EIF2A: variants seen among roughly 807,000 people sequenced by gnomAD.
The protein encoded by EIF2A is 65 kDa eukaryotic translation initiation factor 2A.
EIF2A carries 62 observed loss-of-function variants against 75.2 expected under a neutral mutation model. The observed-to-expected ratio is 0.82, with a 90% CI of 0.67 to 1.02. The LOEUF (loss-of-function observed/expected upper bound fraction) is 1.02, where lower values mean the gene tolerates loss of function less well. Among genes scored for constraint, EIF2A ranks in the 50% least tolerant of loss-of-function variants. The pLI, the probability that EIF2A is intolerant of heterozygous loss-of-function variation, is 0.00. For missense variants in EIF2A, 611 were observed against 677.7 expected (o/e 0.90, Z 1.09); for synonymous variants, 207 against 239.0 (o/e 0.87, Z 1.23).
intron 10 of EIF2A, 34 bp downstream of exon 10, chr3:150,572,563 G>GT: frequency 6.4e-7 from 1 of 1,556,470 alleles, no homozygotes. Flanking sequence ...ATAGAAAAAA[G>GT]TTTATTTTGG....
Position 150,584,842 on chromosome 3 carries a change from A to T in EIF2A, c.*931A>T, listed in dbSNP as rs1725377804. Among the ~76,000 whole-genome samples the T allele has an allele frequency of 6.6e-6, 1 of 151,952 alleles. No homozygotes were observed. Among genetic ancestry groups the T allele is most frequent in the Admixed American group, 6.6e-5 (1 of 15,256 alleles). The stretch of plus-strand genomic sequence containing the variant: ...TGTAGTAACAAAATCCTTTTTTAAA[A>T]ATTTTTAAAGAAAAAGTATACACAC... On this transcript the variant is annotated 3_prime_UTR_variant, in exon 14 of 14. Coordinates refer to ENST00000460851, the MANE Select transcript of EIF2A (RefSeq NM_032025.5).
intron 1 of EIF2A, among the ~76,000 whole-genome samples, 183 bp from the exon 2 acceptor site, chr3:150,552,171 TTA>T (rs1337757121): frequency 6.6e-6 from 1 of 152,228 alleles, no homozygotes; most frequent in African/African-American, 2.4e-5. Flanking sequence ...TTCTCAGCAA[TTA>T]TATGATTTTA....
chr3:150,577,466 AAGTAACT>A (rs1724940674), intron 11 of EIF2A, among the ~76,000 whole-genome samples: 1 of 152,030 alleles, frequency 6.6e-6, no homozygotes, highest in South Asian at 2.1e-4. Flanking sequence ...TCAGCTTCCC[AAGTAACT>A]AGGACTGTAC....
intron 12 of EIF2A, among the ~76,000 whole-genome samples, chr3:150,582,644 A>G (rs954562733): frequency 6.6e-6 from 1 of 152,162 alleles, no homozygotes. Context: ...GTATTTCATT[A>G]GATACCTTGT....
chr3:150,563,569 C>G lies in EIF2A; in HGVS notation c.347C>G (p.Thr116Ser). 1 of 1,542,230 alleles carries G rather than the reference C, an allele frequency of 6.5e-7. No individual in the cohort carries two copies. The highest frequency in any genetic ancestry group is 8.7e-7 in the Non-Finnish European group (1 of 1,145,008). Residue 116 changes from threonine (T) to serine (S), a missense_variant, in exon 5 of 14, where the codon ACT becomes AGT. Thr to Ser is a moderately conservative substitution (Grantham distance 58). Coordinates refer to ENST00000460851, the MANE Select transcript of EIF2A (RefSeq NM_032025.5). ...IPNLQLYDVK[T>S]GTCLKSFIQK... is the part of the protein sequence containing the mutation. ...AACCTACAACTTTATGATGTGAAAA[C>G]TGGGACATGTTTGAAATCTTTCATC...
At chr3:150,563,033 C>T (rs1156415439) in intron 4 of EIF2A, 1 of 183,752 alleles carries the variant, frequency 5.4e-6, no homozygotes, top group Non-Finnish European at 1.1e-5. Context: ...GTAGACAAAA[C>T]ATCTAAGGGA....
chr3:150,555,067 A>G (rs1410044244), intron 2 of EIF2A, among the ~76,000 whole-genome samples: 1 of 152,062 alleles, frequency 6.6e-6, no homozygotes, highest in Middle Eastern at 3.2e-3. Context: ...AGCTGGGACT[A>G]TAGGCGCATG....
At chr3:150,564,069 T>A (rs1724030638) in intron 5 of EIF2A, among the ~76,000 whole-genome samples, 1 of 152,192 alleles carries the variant, frequency 6.6e-6, no homozygotes, top group East Asian at 1.9e-4. Flanking sequence ...TCCACCTGCC[T>A]TGGCCTCCCA....
intron 2 of EIF2A, among the ~76,000 whole-genome samples, chr3:150,556,401 G>A (rs935108151): frequency 2.6e-5 from 4 of 152,146 alleles, no homozygotes; most frequent in African/African-American, 9.7e-5. Context: ...AGAATGACCT[G>A]GGGAGCTGTT....
At chr3:150,567,144 T>G (rs1323394619) in intron 6 of EIF2A, 3 of 152,248 alleles carry the variant, frequency 2.0e-5, no homozygotes, top group Non-Finnish European at 4.4e-5. Flanking sequence ...GCTCTTGATC[T>G]AATTAACTAG....
intron 2 of EIF2A, among the ~76,000 whole-genome samples, chr3:150,556,220 A>G (rs982970002): frequency 6.6e-6 from 1 of 152,224 alleles, no homozygotes; most frequent in African/African-American, 2.4e-5. Context: ...TGAATCCAGT[A>G]CAATCTCAGT....
intron 6 of EIF2A, chr3:150,566,788 A>T (rs1724206855): frequency 6.6e-6 from 1 of 152,076 alleles, no homozygotes; most frequent in Non-Finnish European, 1.5e-5. Context: ...ACTGAAAATA[A>T]TTTTTTAAAA....
chr3:150,557,510 C>G lies in EIF2A; in HGVS notation c.99-878C>G. On this transcript the variant is annotated intron_variant, in intron 2 of 13. Transcript: ENST00000460851. ...CTGCCTCCTGGATTGAAGCAATTCT[C>G]CTGTCTCAGCGTCCTGAGTAGCTGG... is the stretch of plus-strand genomic sequence containing the variant. 2.1e-5 allele frequency: 4 copies of G among 190,810 alleles called. 1 individual carries two copies. The South Asian group carries it at 2.5e-4, about 12-fold the overall frequency. 11.8% of individuals were successfully genotyped at this position (190,810 alleles called of 1,614,324 possible). A position where few individuals can be genotyped will look rare whatever the true frequency, so the allele number is the denominator to read the frequency against.
intron 12 of EIF2A, chr3:150,582,977 A>G (rs1485609867): frequency 1.6e-5 from 8 of 502,762 alleles, no homozygotes; most frequent in Non-Finnish European, 2.8e-5. Context: ...GATAACATTA[A>G]TTAAAAGCCT....
chr3:150,578,227 A>C (rs535496456), intron 11 of EIF2A, among the ~76,000 whole-genome samples: 1 of 151,094 alleles, frequency 6.6e-6, no homozygotes, highest in Admixed American at 6.6e-5. Flanking sequence ...GTGATACTGG[A>C]CTAAGATTCC....
intron 2 of EIF2A, among the ~76,000 whole-genome samples, chr3:150,556,606 A>G (rs906887537): frequency 1.4e-5 from 1 of 70,900 alleles, no homozygotes; most frequent in Non-Finnish European, 3.4e-5. Context: ...ATGAAAGATA[A>G]AAGTGGGGAA....
chr3:150,563,463 C>A, intron 4 of EIF2A, 52 bp from the exon 5 acceptor site: 1 of 1,369,044 alleles, frequency 7.3e-7, no homozygotes, highest in Non-Finnish European at 1.0e-6. Context: ...GAAAAATAAT[C>A]CCTTTACAAA....
chr3:150,563,503 A>G lies in EIF2A; in HGVS notation c.293-12A>G. On this transcript the variant is annotated splice_polypyrimidine_tract_variant and intron_variant, in intron 4 of 13. Coordinates refer to ENST00000460851, the MANE Select transcript of EIF2A (RefSeq NM_032025.5). ...ACAAGGCAATTACTGAAAAAAAGAAATTTTATTGCAGCTTCTAAAGATGGC... is the reference window on the plus strand; with the variant it reads ...ACAAGGCAATTACTGAAAAAAAGAAGTTTTATTGCAGCTTCTAAAGATGGC... 6.5e-7 allele frequency: 1 copy of G among 1,539,662 alleles called. No individual in the cohort carries two copies. Among genetic ancestry groups the G allele is most frequent in the Non-Finnish European group, 8.7e-7 (1 of 1,143,222 alleles).
intron 1 of EIF2A, among the ~76,000 whole-genome samples, chr3:150,548,542 G>A (rs866081658): frequency 3.3e-5 from 5 of 152,124 alleles, no homozygotes; most frequent in African/African-American, 7.2e-5. Flanking sequence ...CCCCTGGGCC[G>A]GACTGGTACT....
Sources: gnomAD v4.1 joint callset for allele counts (sites outside exome capture counted in the v4.1 genomes callset) on GRCh38, gnomAD v4.1.1 for gene constraint, MANE v1.5 for transcripts, NCBI Gene and HGNC (gene_info 2026-07-23, HGNC 2026-07-21) for gene names.